Variants in PAPPA observed in about 807,000 individuals in gnomAD.
The protein encoded by PAPPA is pappalysin-1.
A neutral mutation model predicts 164.0 loss-of-function variants in PAPPA; 60 were observed. That is an observed-to-expected ratio of 0.37 (90% confidence interval 0.30 to 0.45). The LOEUF (loss-of-function observed/expected upper bound fraction) is 0.45. Among genes scored for constraint, PAPPA ranks in the 20% least tolerant of loss-of-function variants. The pLI is 1.00. For missense variants in PAPPA, 1,782 were observed against 2,087.3 expected, an observed-to-expected ratio of 0.85 and a Z score of 2.85; for synonymous variants, 875 against 814.1, an observed-to-expected ratio of 1.07 and a Z score of -1.27.
At chr9:116,338,484 C>T (rs1412672308) in intron 13 of PAPPA, among the ~76,000 whole-genome samples, 1 of 152,218 alleles carries the variant, frequency 6.6e-6, no homozygotes, top group Admixed American at 6.5e-5. Flanking sequence ...GAGTCTGTGC[C>T]CTGATGAGAC....
At chr9:116,220,321 A>G (rs1410072646) in intron 5 of PAPPA, among the ~76,000 whole-genome samples, 192 bp downstream of exon 5, 1 of 152,092 alleles carries the variant, frequency 6.6e-6, no homozygotes, top group Non-Finnish European at 1.5e-5. Flanking sequence ...AGAAACAAAT[A>G]AATAACAATA....
At chr9:116,229,211 T>A (rs751278624) in intron 6 of PAPPA, among the ~76,000 whole-genome samples, 6 of 152,208 alleles carry the variant, frequency 3.9e-5, no homozygotes, top group Non-Finnish European at 7.3e-5. Flanking sequence ...TGAAAAAGTT[T>A]GGTATGTTCA....
chr9:116,314,026 C>A (rs1587999631), intron 10 of PAPPA, among the ~76,000 whole-genome samples: 2 of 146,924 alleles, frequency 1.4e-5, no homozygotes, highest in South Asian at 4.4e-4. Flanking sequence ...GTAAGTACTA[C>A]CTAAATTCAT....
chr9:116,187,442 G>T lies in PAPPA; in HGVS notation c.704G>T (p.Cys235Phe). The change falls in exon 2 of 22, where the codon TGC (cysteine) becomes TTC (phenylalanine). Residue 235 changes from cysteine to phenylalanine, a missense_variant. Cys to Phe is a radical substitution (Grantham distance 205, BLOSUM62 -2). This residue lies in a region of PAPPA where 458 missense variants were observed against 430.3 expected (regional missense o/e 1.06). Coordinates refer to ENST00000328252, the MANE Select transcript of PAPPA (RefSeq NM_002581.5). This position sits in a 1 kb window ranked among gnomAD's most constrained non-coding sequence, Gnocchi z 4.2. ...GGIFSPLTQK[C>F]KVLMLGGSAL... is the part of the protein sequence containing the mutation. ...ATATTCAGCCCACTGACCCAGAAGT[G>T]CAAAGTGCTCATGTTAGGGGGCAGT... 1 of 1,614,178 alleles carries T rather than the reference G, an allele frequency of 6.2e-7. No homozygotes were observed. The highest frequency in any genetic ancestry group is 8.5e-7 in the Non-Finnish European group (1 of 1,180,042).
chr9:116,379,330 A>T (rs1285990363), intron 20 of PAPPA, among the ~76,000 whole-genome samples: 1 of 152,186 alleles, frequency 6.6e-6, no homozygotes, highest in Non-Finnish European at 1.5e-5. Flanking sequence ...GAGGTATCCA[A>T]GATAAAGAAA....
chr9:116,251,186 T>A (rs1381800416), intron 7 of PAPPA, among the ~76,000 whole-genome samples: 1 of 152,164 alleles, frequency 6.6e-6, no homozygotes, highest in Non-Finnish European at 1.5e-5. Context: ...ATCAAATAGC[T>A]CTTACAAAAT....
At chr9:116,308,027 C>G (rs946498840) in intron 10 of PAPPA, among the ~76,000 whole-genome samples, 4 of 152,188 alleles carry the variant, frequency 2.6e-5, no homozygotes, top group Non-Finnish European at 5.9e-5. Context: ...TTTGCACTCC[C>G]CCCAAAGCTG....
At chr9:116,357,775 G>C (rs555702407) in intron 17 of PAPPA, among the ~76,000 whole-genome samples, 1 of 152,286 alleles carries the variant, frequency 6.6e-6, no homozygotes, top group East Asian at 1.9e-4. Flanking sequence ...CTTGGGATGG[G>C]GACGGGGTCT....
At chr9:116,190,738 C>A (rs1372556722) in intron 2 of PAPPA, among the ~76,000 whole-genome samples, 1 of 152,250 alleles carries the variant, frequency 6.6e-6, no homozygotes, top group African/African-American at 2.4e-5. Context: ...GCAGACAGCA[C>A]TGGCAGGTTC....
At chr9:116,295,921 T>G (rs995525459) in intron 9 of PAPPA, among the ~76,000 whole-genome samples, 1 of 152,220 alleles carries the variant, frequency 6.6e-6, no homozygotes, top group African/African-American at 2.4e-5. Context: ...GTTAGTATAT[T>G]GATTAAATGA....
At chr9:116,320,828 A>G (rs1320871117) in intron 10 of PAPPA, among the ~76,000 whole-genome samples, 2 of 151,944 alleles carry the variant, frequency 1.3e-5, no homozygotes, top group East Asian at 1.9e-4. Context: ...TTCTGTGTTC[A>G]TTGGTCAGTT....
intron 7 of PAPPA, among the ~76,000 whole-genome samples, chr9:116,261,540 A>C (rs1845001106): frequency 6.6e-6 from 1 of 152,178 alleles, no homozygotes; most frequent in Admixed American, 6.5e-5. Flanking sequence ...TTGTCTACAG[A>C]TTTCAGATAG....
At chr9:116,292,309 G>A (rs1482006435) in intron 9 of PAPPA, among the ~76,000 whole-genome samples, 1 of 152,186 alleles carries the variant, frequency 6.6e-6, no homozygotes, top group East Asian at 1.9e-4. Flanking sequence ...TCTGAAGGAG[G>A]GATAGTTGGG....
At chr9:116,188,843 A>C (rs1012164416) in intron 2 of PAPPA, among the ~76,000 whole-genome samples, 1 of 152,164 alleles carries the variant, frequency 6.6e-6, no homozygotes, top group Non-Finnish European at 1.5e-5. Context: ...CTGTTTCTTC[A>C]TCTGTAAAAT....
At chr9:116,231,778 T>TTTTTTTTTTTTTTG (rs1564192736) in intron 6 of PAPPA, among the ~76,000 whole-genome samples, 4 of 144,090 alleles carry the variant, frequency 2.8e-5, no homozygotes, top group African/African-American at 5.1e-5. Flanking sequence ...TTTTTTTTTT[T>TTTTTTTTTTTTTTG]GAGATGGAGT....
chr9:116,329,148 A>T (rs2118943954), intron 10 of PAPPA, among the ~76,000 whole-genome samples: 1 of 152,242 alleles, frequency 6.6e-6, no homozygotes, highest in South Asian at 2.1e-4. Context: ...TATAGATGGG[A>T]TTCCCAGGAT....
intron 2 of PAPPA, among the ~76,000 whole-genome samples, chr9:116,191,864 G>A (rs1368791306): frequency 6.6e-6 from 1 of 152,140 alleles, no homozygotes; most frequent in East Asian, 1.9e-4. Flanking sequence ...AATGTTGTAG[G>A]CAGGATTAAG....
At chr9:116,319,378 G>C (rs1845826026) in intron 10 of PAPPA, among the ~76,000 whole-genome samples, 1 of 152,206 alleles carries the variant, frequency 6.6e-6, no homozygotes, top group African/African-American at 2.4e-5. Flanking sequence ...CCCAATGCCT[G>C]GCTGTACTGT....
chr9:116,256,931 T>G (rs1844934706), intron 7 of PAPPA, among the ~76,000 whole-genome samples: 1 of 101,496 alleles, frequency 9.9e-6, no homozygotes, highest in East Asian at 2.4e-4. Context: ...TTTTTTAAAG[T>G]TTTTTTTTTA....
Sources: gnomAD v4.1 joint callset for allele counts (sites outside exome capture counted in the v4.1 genomes callset) on GRCh38, gnomAD v4.1.1 for gene constraint, gnomAD v4.1.1 regional missense constraint, Gnocchi (gnomAD v3.1) non-coding constraint, MANE v1.5 for transcripts, NCBI Gene and HGNC (gene_info 2026-07-23, HGNC 2026-07-21) for gene names.